CALD1: variants seen among roughly 807,000 people sequenced by gnomAD.
CALD1 encodes caldesmon.
A neutral mutation model predicts 99.9 loss-of-function variants in CALD1; 33 were observed. The ratio of observed to expected loss-of-function variants is 0.33; its 90% CI spans 0.25 to 0.44. CALD1 has a LOEUF of 0.44. Among genes scored for constraint, CALD1 ranks in the 20% least tolerant of loss-of-function variants. The pLI, the probability that CALD1 is intolerant of heterozygous loss-of-function variation, is 1.00. For synonymous variants in CALD1, 310 were observed against 325.0 expected (o/e 0.95, Z 0.50); for missense variants, 861 against 962.1 (o/e 0.89, Z 1.39).
At chr7:134,785,393 A>C (rs1797266946) in intron 1 of CALD1, among the ~76,000 whole-genome samples, 1 of 152,244 alleles carries the variant, frequency 6.6e-6, no homozygotes, top group Non-Finnish European at 1.5e-5. Flanking sequence ...CTTCAAATGA[A>C]AGCAGTCTTG....
chr7:134,775,836 G>T (rs1796914681), upstream of CALD1, among the ~76,000 whole-genome samples: 1 of 152,000 alleles, frequency 6.6e-6, no homozygotes, highest in South Asian at 2.1e-4. Flanking sequence ...GGTTTTTCAT[G>T]CCCTTAACTC....
At position 134,928,732 on chromosome 7, in the gene CALD1, GGTT is replaced by G; in HGVS notation, c.72-19_72-17del. 1 of 1,611,022 alleles carries G rather than the reference GGTT, an allele frequency of 6.2e-7. No homozygotes were observed. Among genetic ancestry groups the G allele is most frequent in the Non-Finnish European group, 8.5e-7 (1 of 1,178,386 alleles). On this transcript the variant is annotated intron_variant, in intron 3 of 14. Coordinates refer to ENST00000361675, the MANE Select transcript of CALD1 (RefSeq NM_033138.4). ...CACGTGGCAAGTGGCACGCTCAAGAGGTTGTCTTTGTAATGTTGCAGAATCGCC... is the reference window on the plus strand; with the variant it reads ...CACGTGGCAAGTGGCACGCTCAAGAGGTCTTTGTAATGTTGCAGAATCGCC...
chr7:134,820,956 G>C (rs549420159), intron 1 of CALD1, among the ~76,000 whole-genome samples: 1 of 151,534 alleles, frequency 6.6e-6, no homozygotes, highest in African/African-American at 2.4e-5. Flanking sequence ...GTGAAGGAGA[G>C]GGGAGGAGAA....
rs139987684 is a variant in CALD1 at position 134,861,436 on chromosome 7, G to A, written c.-41-6257G>A. On this transcript the variant is annotated intron_variant, in intron 2 of 14. Coordinates refer to ENST00000361675, the MANE Select transcript of CALD1 (RefSeq NM_033138.4). ...GTTGCAGCGATGGCCCAACTGAAAT[G>A]AATGCAAATCTTTAGGATATACACG... is the stretch of plus-strand genomic sequence containing the variant. Among the ~76,000 whole-genome samples the A allele has an allele frequency of 2.4e-4, 36 of 152,306 alleles. No homozygotes were observed. The East Asian group carries it at 6.7e-3, about 29-fold the overall frequency.
chr7:134,950,277 C>T (rs922632708), intron 8 of CALD1, 97 bp from the exon 9 acceptor site: 9 of 1,230,412 alleles, frequency 7.3e-6, no homozygotes, highest in South Asian at 1.4e-5. Flanking sequence ...CGGCCTGAGT[C>T]TGCTGCCTCT....
At chr7:134,878,104 G>A (rs1408861589) in intron 3 of CALD1, among the ~76,000 whole-genome samples, 1 of 152,008 alleles carries the variant, frequency 6.6e-6, no homozygotes, top group Non-Finnish European at 1.5e-5. Flanking sequence ...CCAGTGTCCT[G>A]AATAATTCAT....
chr7:134,806,325 C>T (rs1162124009), intron 1 of CALD1, among the ~76,000 whole-genome samples: 1 of 151,894 alleles, frequency 6.6e-6, no homozygotes, highest in African/African-American at 2.4e-5. Context: ...CACGGTTTAG[C>T]TTCCTCATTA....
chr7:134,773,695 A>G (rs1796894708), intron 1 of CALD1, among the ~76,000 whole-genome samples: 1 of 151,836 alleles, frequency 6.6e-6, no homozygotes, highest in Non-Finnish European at 1.5e-5. Flanking sequence ...TTCTTGTTCC[A>G]TGGATACAAT....
chr7:134,796,520 G>C (rs533924593), intron 1 of CALD1, among the ~76,000 whole-genome samples: 133 of 152,200 alleles, frequency 8.7e-4, no homozygotes, highest in South Asian at 1.9e-3. Context: ...TCATGCACGA[G>C]AGCTGACTCC....
chr7:134,799,485 G>A (rs1053978449), intron 1 of CALD1, among the ~76,000 whole-genome samples: 2 of 152,312 alleles, frequency 1.3e-5, no homozygotes, highest in Admixed American at 6.5e-5. Flanking sequence ...TGTTCCACAT[G>A]TAGCTATATA....
At chr7:134,781,172 C>A (rs1288514318) in intron 1 of CALD1, among the ~76,000 whole-genome samples, 1 of 152,114 alleles carries the variant, frequency 6.6e-6, no homozygotes, top group Non-Finnish European at 1.5e-5. Flanking sequence ...ACTGTCCTTC[C>A]CTCGAAGAGA....
chr7:134,861,219 A>T (rs2132280204), intron 2 of CALD1, among the ~76,000 whole-genome samples: 1 of 150,834 alleles, frequency 6.6e-6, no homozygotes, highest in South Asian at 2.1e-4. Context: ...TAGAGAAACA[A>T]AGCTCATAGA....
intron 2 of CALD1, among the ~76,000 whole-genome samples, chr7:134,865,842 C>T (rs1161186131): frequency 3.3e-5 from 5 of 152,288 alleles, no homozygotes; most frequent in Admixed American, 1.3e-4. Context: ...GCCAGAATGA[C>T]TACTTAAATT....
chr7:134,861,067 A>T (rs1800541207), intron 2 of CALD1, among the ~76,000 whole-genome samples: 1 of 152,230 alleles, frequency 6.6e-6, no homozygotes, highest in Non-Finnish European at 1.5e-5. Context: ...CAACACATTT[A>T]TGTCTGGGAA....
At chr7:134,839,165 T>A (rs750011705) in intron 1 of CALD1, among the ~76,000 whole-genome samples, 6 of 152,198 alleles carry the variant, frequency 3.9e-5, no homozygotes, top group Non-Finnish European at 8.8e-5. Flanking sequence ...TGGGCTTCGG[T>A]TTTTATATTA....
At chr7:134,795,444 C>G (rs1797709299) in intron 1 of CALD1, among the ~76,000 whole-genome samples, 1 of 152,186 alleles carries the variant, frequency 6.6e-6, no homozygotes, top group Non-Finnish European at 1.5e-5. Flanking sequence ...TCCCCAGGAA[C>G]TGTGAGTCAA....
At chr7:134,953,514 G>A (rs1381880809) in intron 9 of CALD1, among the ~76,000 whole-genome samples, 5 of 148,204 alleles carry the variant, frequency 3.4e-5, no homozygotes, top group African/African-American at 7.4e-5. Flanking sequence ...GCAAAACTCC[G>A]TCTCAAAAAA....
At chr7:134,816,375 G>A (rs1481349496) in intron 1 of CALD1, among the ~76,000 whole-genome samples, 4 of 152,158 alleles carry the variant, frequency 2.6e-5, no homozygotes, top group Non-Finnish European at 2.9e-5. Context: ...GAAGGAAATT[G>A]CTAGATTCTT....
intron 8 of CALD1, 72 bp downstream of exon 8, chr7:134,947,841 A>G: frequency 6.5e-7 from 1 of 1,527,048 alleles, no homozygotes; most frequent in Admixed American, 2.2e-5. Context: ...TGTTCTTTTG[A>G]GCATGGGCTC....
Sources: gnomAD v4.1 joint callset for allele counts (sites outside exome capture counted in the v4.1 genomes callset) on GRCh38, gnomAD v4.1.1 for gene constraint, MANE v1.5 for transcripts, NCBI Gene and HGNC (gene_info 2026-07-23, HGNC 2026-07-21) for gene names.